The following ABCG8 variants were observed in gnomAD, a reference collection of about 807,000 sequenced individuals.
ABCG8 encodes the protein ATP-binding cassette sub-family G member 8.
ABCG8 carries 81 observed loss-of-function variants against 71.3 expected under a neutral mutation model. That is an observed-to-expected ratio of 1.14 (90% CI 0.95 to 1.37). The LOEUF (loss-of-function observed/expected upper bound fraction) is 1.37, where lower values mean the gene tolerates loss of function less well. Among genes scored for constraint, ABCG8 ranks in the 40% most tolerant of loss-of-function variants. The probability of loss-of-function intolerance (pLI) is 0.00; values close to 1 mark genes in which losing one functional copy is unlikely to be tolerated. For synonymous variants in ABCG8, 451 were observed against 354.7 expected (o/e 1.27, Z -3.05); for missense variants, 1,119 against 866.2 (o/e 1.29, Z -3.66).
Position 43,872,155 on chromosome 2 carries a change from C to G in ABCG8, c.1127+17C>G. The G allele has an allele frequency of 6.2e-7, 1 of 1,614,100 alleles. No homozygotes were observed. Among genetic ancestry groups the G allele is most frequent in the Non-Finnish European group, 8.5e-7 (1 of 1,180,042 alleles). Reference sequence around the variant, plus strand: ...TGTGGAAAGGTAAGGTGGCAGGCGACTCTGAGAGGAGAGCTCCCTGCAGAA... The same window carrying G: ...TGTGGAAAGGTAAGGTGGCAGGCGAGTCTGAGAGGAGAGCTCCCTGCAGAA... On this transcript the variant is annotated intron_variant, in intron 7 of 12. Coordinates refer to ENST00000272286, the MANE Select transcript of ABCG8 (RefSeq NM_022437.3).
rs1202319417 is a variant in ABCG8 at position 43,881,559 on chromosome 2, A to G, written c.*3646A>G. ...CCCTGCCTCTACTAAAAATACAAAA[A>G]TTAGCTGGGCATGGTAGTGCGTGCC... On this transcript the variant is annotated 3_prime_UTR_variant, in exon 13 of 13. Coordinates refer to ENST00000272286, the MANE Select transcript of ABCG8 (RefSeq NM_022437.3). 1 of 152,268 alleles carries G rather than the reference A, an allele frequency of 6.6e-6. No homozygotes were observed. The highest frequency in any genetic ancestry group is 1.5e-5 in the Non-Finnish European group (1 of 68,072). The allele number at this position is 152,268 out of a possible 1,614,324, so 9.4% of individuals were successfully genotyped here. A position where few individuals can be genotyped will look rare whatever the true frequency, so the allele number is the denominator to read the frequency against.
At chr2:43,859,218 A>T (rs1669219246) in intron 6 of ABCG8, among the ~76,000 whole-genome samples, 1 of 148,238 alleles carries the variant, frequency 6.7e-6, no homozygotes, top group African/African-American at 2.5e-5. Context: ...TCTGGATACA[A>T]CTCTCACTAT....
Position 43,861,196 on chromosome 2 carries a change from C to T in ABCG8, c.964+8328C>T, listed in dbSNP as rs1669305205. 1.3e-5 allele frequency among the ~76,000 whole-genome samples: 2 copies of T among 151,422 alleles called. 1 individual carries two copies. Among genetic ancestry groups the T allele is most frequent in the Non-Finnish European group, 3.0e-5 (2 of 67,436 alleles). On this transcript the variant is annotated intron_variant, in intron 6 of 12. Coordinates refer to ENST00000272286, the MANE Select transcript of ABCG8 (RefSeq NM_022437.3). ...ATTCTCACCATCTAGATAGAACTCT[C>T]ACTGACTGGATAGAATTCTTACTCT...
chr2:43,877,832 C>T lies in ABCG8; in HGVS notation c.1941C>T (p.Val647=), dbSNP rs147991100. ...SYPLYAIYLI[V]IGLSGGFMVL... is the part of the protein sequence containing the mutation. ...CTCTCTACGCCATCTACCTCATCGT[C>T]ATTGGCCTCAGCGGTGGCTTCATGG... is the stretch of plus-strand genomic sequence containing the variant. Residue 647 remains valine (V), a synonymous_variant, in exon 13 of 13, where the codon GTC becomes GTT. Transcript: ENST00000272286. The T allele has an allele frequency of 4.3e-6, 7 of 1,614,156 alleles. No individual in the cohort carries two copies. Among genetic ancestry groups the T allele is most frequent in the Middle Eastern group, 1.6e-4 (1 of 6,062 alleles).
rs1478139554 is a variant in ABCG8 at position 43,879,353 on chromosome 2, T to G, written c.*1440T>G. 1 of 152,226 alleles carries G rather than the reference T, an allele frequency of 6.6e-6. No homozygotes were observed. The highest frequency in any genetic ancestry group is 1.5e-5 in the Non-Finnish European group (1 of 68,064). The allele number at this position is 152,226 out of a possible 1,614,324, so 9.4% of individuals were successfully genotyped here. ...TAGCAAATACTCTTCATAGGTTCAC[T>G]AGAGTCTTGCTACTCCAAGTACGAT... On this transcript the variant is annotated 3_prime_UTR_variant, in exon 13 of 13. Coordinates refer to ENST00000272286, the MANE Select transcript of ABCG8 (RefSeq NM_022437.3).
At chr2:43,847,245 T>A (rs879917568) in intron 3 of ABCG8, 1 of 152,218 alleles carries the variant, frequency 6.6e-6, no homozygotes. Context: ...TTTTTAAACA[T>A]TCTGCTCCAA....
At chr2:43,858,181 G>A (rs996935670) in intron 6 of ABCG8, among the ~76,000 whole-genome samples, 12 of 151,312 alleles carry the variant, frequency 7.9e-5, no homozygotes, top group Non-Finnish European at 1.5e-5. Flanking sequence ...TCACCATATG[G>A]ACAGAACTCT....
intron 6 of ABCG8, among the ~76,000 whole-genome samples, chr2:43,854,044 C>T (rs955456706): frequency 6.6e-6 from 1 of 152,270 alleles, no homozygotes; most frequent in East Asian, 1.9e-4. Flanking sequence ...ACCTGCCGAC[C>T]TGGCCATCGG....
At chr2:43,871,900 G>A (rs886643200) in intron 6 of ABCG8, 76 bp from the exon 7 acceptor site, 2 of 1,596,556 alleles carry the variant, frequency 1.3e-6, no homozygotes, top group African/African-American at 2.7e-5. Flanking sequence ...TGTGAGCTGG[G>A]CGTGCACCAA....
chr2:43,866,891 G>A (rs1204980475), intron 6 of ABCG8, among the ~76,000 whole-genome samples: 1 of 151,056 alleles, frequency 6.6e-6, no homozygotes, highest in African/African-American at 2.4e-5. Context: ...AAAGACACAT[G>A]CACACGTATG....
At chr2:43,862,870 ACT>A (rs1669377335) in intron 6 of ABCG8, among the ~76,000 whole-genome samples, 1 of 150,084 alleles carries the variant, frequency 6.7e-6, no homozygotes, top group South Asian at 2.1e-4. Context: ...TAGAACTCTC[ACT>A]CTCTGTCTAG....
intron 11 of ABCG8, among the ~76,000 whole-genome samples, chr2:43,875,824 G>C (rs1219606949): frequency 6.6e-6 from 1 of 151,958 alleles, no homozygotes; most frequent in Non-Finnish European, 1.5e-5. Context: ...GCCACGCAGA[G>C]TGAGCTTTCC....
intron 6 of ABCG8, among the ~76,000 whole-genome samples, chr2:43,853,515 G>A (rs997937562): frequency 1.3e-5 from 2 of 152,126 alleles, no homozygotes; most frequent in Non-Finnish European, 2.9e-5. Context: ...GTTGTACCAG[G>A]TCCCAGGGAG....
chr2:43,858,963 G>T (rs1055370465), intron 6 of ABCG8, among the ~76,000 whole-genome samples: 18 of 150,246 alleles, frequency 1.2e-4, no homozygotes, highest in Non-Finnish European at 2.7e-4. Context: ...TTAGTCTCTG[G>T]ATAGAAGTCT....
In ABCG8 at chr2:43,852,633, C is replaced by G. The variant is rs145482605; in HGVS notation, c.729C>G (p.Leu243=). 1 of 1,614,152 alleles carries G rather than the reference C, an allele frequency of 6.2e-7. No homozygotes were observed. ...ILILDEPTSG[L]DSFTAHNLVK... is the part of the protein sequence containing the mutation. ...TTCTCGACGAACCCACCTCTGGGCTCGACAGCTTCACAGCCCACAACCTGG... is the reference window on the plus strand; with the variant it reads ...TTCTCGACGAACCCACCTCTGGGCTGGACAGCTTCACAGCCCACAACCTGG... Residue 243 remains leucine, a synonymous_variant, in exon 6 of 13, where the codon CTC becomes CTG. Transcript: ENST00000272286.
At position 43,852,434 on chromosome 2, in the gene ABCG8, G is replaced by A. The variant is rs202198142; in HGVS notation, c.642G>A (p.Ser214=). ...GCAACATGTACGTGCGGGGGTTGTC[G>A]GGGGGTGAGCGCAGGAGAGTCAGCA... is the stretch of plus-strand genomic sequence containing the variant. ...RVGNMYVRGL[S]GGERRRVSIG... Residue 214 remains serine, a synonymous_variant, in exon 5 of 13, where the codon TCG becomes TCA. Transcript: ENST00000272286. The A allele has an allele frequency of 3.8e-5, 62 of 1,612,726 alleles. No individual in the cohort carries two copies. The highest frequency in any genetic ancestry group is 2.0e-4 in the Middle Eastern group (1 of 5,058).
intron 6 of ABCG8, among the ~76,000 whole-genome samples, chr2:43,863,393 C>A (rs976560084): frequency 2.7e-5 from 4 of 149,840 alleles, no homozygotes; most frequent in Admixed American, 1.3e-4. Context: ...AGATAGAACT[C>A]TCGCTATTCA....
intron 3 of ABCG8, 199 bp downstream of exon 3, chr2:43,846,510 C>G (rs1668748388): frequency 1.3e-6 from 1 of 750,668 alleles, no homozygotes. Context: ...AGGGTAGGTG[C>G]TGTTGTTAAG....
chr2:43,876,139 G>T (rs1669952228), intron 11 of ABCG8, among the ~76,000 whole-genome samples: 1 of 152,106 alleles, frequency 6.6e-6, no homozygotes, highest in South Asian at 2.1e-4. Flanking sequence ...AGCCCACACA[G>T]TCCATGAAGC....
Sources: allele counts gnomAD v4.1 joint callset (sites outside exome capture counted in the v4.1 genomes callset), GRCh38; gene constraint gnomAD v4.1.1; transcripts MANE v1.5; gene names NCBI Gene and HGNC (gene_info 2026-07-23, HGNC 2026-07-21).